DMTN: variants seen among roughly 807,000 people sequenced by gnomAD.
DMTN encodes the protein dematin actin binding protein, also known as dematin.
In DMTN, 27 loss-of-function variants were observed where a neutral mutation model predicts 59.4. The observed-to-expected ratio is 0.45, with a 90% CI of 0.33 to 0.63. The LOEUF (loss-of-function observed/expected upper bound fraction) is 0.63, where lower values mean the gene tolerates loss of function less well. Ranked by LOEUF, DMTN falls within the 20% of genes least tolerant of loss-of-function variation. DMTN has a pLI of 0.02. For missense variants in DMTN, 451 were observed against 528.9 expected (o/e 0.85, Z 1.45); for synonymous variants, 221 against 203.7 (o/e 1.08, Z -0.72).
intron 9 of DMTN, among the ~76,000 whole-genome samples, chr8:22,072,839 C>T (rs1471837648): frequency 6.6e-6 from 1 of 151,722 alleles, no homozygotes; most frequent in Non-Finnish European, 1.5e-5. Context: ...GGTTCCTACC[C>T]GAAAAGCATG....
rs3190143 is a variant in DMTN, at chr8:22,081,937, G to C, written c.*474G>C. The C allele has an allele frequency of 4.4e-6, 2 of 451,750 alleles. No homozygotes were observed. Among genetic ancestry groups the C allele is most frequent in the East Asian group, 7.1e-5 (1 of 14,158 alleles). 28.0% of individuals were successfully genotyped at this position (451,750 alleles called of 1,614,324 possible). The stretch of plus-strand genomic sequence containing the variant: ...CTGCACTGCAGCCTCCTGCTCCTCT[G>C]ACTCTAGTGGGAACAGGCCCCAGCT... On this transcript the variant is annotated 3_prime_UTR_variant, in exon 16 of 16. Coordinates refer to ENST00000358242, the MANE Select transcript of DMTN (RefSeq NM_001387751.1).
At chr8:22,076,618 CTATATA>C (rs749317570) in intron 10 of DMTN, among the ~76,000 whole-genome samples, 1 of 147,824 alleles carries the variant, frequency 6.8e-6, no homozygotes, top group African/African-American at 2.5e-5. Context: ...ATATATGTCA[CTATATA>C]TATATATACA....
At chr8:22,079,696 G>A (rs1325393770) in intron 10 of DMTN, among the ~76,000 whole-genome samples, 2 of 151,754 alleles carry the variant, frequency 1.3e-5, no homozygotes, top group Admixed American at 1.3e-4. Flanking sequence ...CCAACCTCAG[G>A]TGATCTGTCC....
intron 1 of DMTN, among the ~76,000 whole-genome samples, chr8:22,061,089 T>C (rs561840714): frequency 1.3e-4 from 20 of 149,932 alleles, no homozygotes; most frequent in Non-Finnish European, 2.4e-4. Context: ...TTGGGCAACA[T>C]AGGGAGACCC....
At position 22,070,329 on chromosome 8, in the gene DMTN, T is replaced by C. The variant is rs1231967863; in HGVS notation, c.599T>C (p.Val200Ala). Residue 200 changes from valine (V) to alanine (A), a missense_variant, in exon 8 of 16, where the codon GTT becomes GCT. By Grantham distance (64) the Val-to-Ala change is moderately conservative (BLOSUM62 0). Coordinates refer to ENST00000358242, the MANE Select transcript of DMTN (RefSeq NM_001387751.1). ...DYWPCPPSLA[V>A]VETEWRKRKA... ...TGGCCATGCCCCCCGTCTCTGGCTG[T>C]TGTGGGTAGGAGAGATGGGGAGAGT... 1.9e-6 allele frequency: 3 copies of C among 1,607,008 alleles called. No homozygotes were observed. Among genetic ancestry groups the C allele is most frequent in the Admixed American group, 3.4e-5 (2 of 59,022 alleles).
chr8:22,071,034 C>T (rs1456450948), intron 8 of DMTN, among the ~76,000 whole-genome samples: 1 of 152,142 alleles, frequency 6.6e-6, no homozygotes. Flanking sequence ...GCCTACCCAG[C>T]TTCATGGCAA....
intron 8 of DMTN, among the ~76,000 whole-genome samples, chr8:22,071,816 G>A (rs1354456415): frequency 6.6e-6 from 1 of 151,740 alleles, no homozygotes; most frequent in Non-Finnish European, 1.5e-5. Context: ...TCCTGACCTC[G>A]TGATCCGCCT....
chr8:22,054,351 G>C (rs1801757311), upstream of DMTN, among the ~76,000 whole-genome samples: 1 of 152,058 alleles, frequency 6.6e-6, no homozygotes, highest in South Asian at 2.1e-4. Flanking sequence ...GGGCCTTGAG[G>C]AATTGGAAGA....
chr8:22,051,234 A>G (rs1322920471), upstream of DMTN, among the ~76,000 whole-genome samples: 1 of 152,150 alleles, frequency 6.6e-6, no homozygotes, highest in African/African-American at 2.4e-5. Flanking sequence ...CTCAAGTCTC[A>G]CGCCAGTTTG....
At chr8:22,067,743 G>T in intron 4 of DMTN, 61 bp downstream of exon 4, 1 of 1,583,982 alleles carries the variant, frequency 6.3e-7, no homozygotes, top group South Asian at 1.1e-5. Context: ...CACTGGGTGG[G>T]GACCGATCCC....
chr8:22,069,066 T>A lies in DMTN; in HGVS notation c.294+6T>A. On this transcript the variant is annotated splice_donor_region_variant and intron_variant, in intron 5 of 15. Transcript: ENST00000358242. ...CCCCCCCACCATCCCCAGAGGTGAGTCTGCCCCACACCTGCAACTTGCCCT... is the reference window on the plus strand; with the variant it reads ...CCCCCCCACCATCCCCAGAGGTGAGACTGCCCCACACCTGCAACTTGCCCT... 2 of 1,609,200 alleles carry A rather than the reference T, an allele frequency of 1.2e-6. No individual in the cohort carries two copies. Among genetic ancestry groups the A allele is most frequent in the Non-Finnish European group, 1.7e-6 (2 of 1,177,804 alleles).
upstream of DMTN, among the ~76,000 whole-genome samples, chr8:22,052,144 C>T (rs915886850): frequency 6.6e-6 from 1 of 152,232 alleles, no homozygotes; most frequent in Non-Finnish European, 1.5e-5. Context: ...CGACTGTCTC[C>T]ACTGCCACTG....
intron 4 of DMTN, 51 bp from the exon 5 acceptor site, chr8:22,068,965 A>G (rs755293241): frequency 7.5e-6 from 12 of 1,601,560 alleles, no homozygotes; most frequent in Non-Finnish European, 1.0e-5. Context: ...ATTCTAGGGA[A>G]GAGGCTGAAT....
chr8:22,073,929 C>T (rs1817783411), intron 10 of DMTN, 94 bp downstream of exon 10: 1 of 1,003,878 alleles, frequency 1.0e-6, no homozygotes, highest in African/African-American at 1.6e-5. Flanking sequence ...AGGATGCAAT[C>T]CCTGACCCAA....
At chr8:22,068,166 G>C (rs78601590) in intron 4 of DMTN, among the ~76,000 whole-genome samples, 1,763 of 152,336 alleles carry the variant, frequency 0.012, 27 homozygotes, top group African/African-American at 0.041. Context: ...CAGGGGGCTA[G>C]ATCATGGGGT....
intron 8 of DMTN, among the ~76,000 whole-genome samples, chr8:22,071,673 G>A (rs1356719638): frequency 3.3e-5 from 5 of 151,992 alleles, no homozygotes; most frequent in Non-Finnish European, 7.4e-5. Context: ...TCCGCCTCCC[G>A]GGCTCACGCT....
At chr8:22,075,549 C>A (rs1267672879) in intron 10 of DMTN, among the ~76,000 whole-genome samples, 3 of 100,958 alleles carry the variant, frequency 3.0e-5, no homozygotes, top group Admixed American at 1.5e-4. Context: ...TAGACAGAGT[C>A]TCACTGTCAC....
chr8:22,081,552 G>A lies in DMTN; in HGVS notation c.*89G>A. ...GTTGGGAGGGGCAGGAGGTGGGGTG[G>A]AAATAGGGTGGGCTCCTTTCCTCAG... On this transcript the variant is annotated 3_prime_UTR_variant, in exon 16 of 16. Coordinates refer to ENST00000358242, the MANE Select transcript of DMTN (RefSeq NM_001387751.1). The A allele has an allele frequency of 8.6e-7, 1 of 1,160,588 alleles. No individual in the cohort carries two copies. Among genetic ancestry groups the A allele is most frequent in the African/African-American group, 1.5e-5 (1 of 66,168 alleles). 71.9% of individuals were successfully genotyped at this position (1,160,588 alleles called of 1,614,324 possible).
chr8:22,068,908 C>T (rs2130992127), intron 4 of DMTN, 108 bp from the exon 5 acceptor site: 2 of 1,307,640 alleles, frequency 1.5e-6, no homozygotes, highest in Non-Finnish European at 2.2e-6. Context: ...AGAAGCTGGC[C>T]AGGAAAGTGT....
Sources: gnomAD v4.1 joint callset for allele counts (sites outside exome capture counted in the v4.1 genomes callset) on GRCh38, gnomAD v4.1.1 for gene constraint, MANE v1.5 for transcripts, NCBI Gene and HGNC (gene_info 2026-07-23, HGNC 2026-07-21) for gene names.